GRM8: variants seen among roughly 807,000 people sequenced by gnomAD.
GRM8 encodes metabotropic glutamate receptor 8.
A neutral mutation model predicts 87.2 loss-of-function variants in GRM8; 47 were observed. The ratio of observed to expected loss-of-function variants is 0.54; its 90% confidence interval spans 0.43 to 0.69. The LOEUF (loss-of-function observed/expected upper bound fraction) is 0.69, where lower values mean the gene tolerates loss of function less well. Ranked by LOEUF, GRM8 falls within the 30% of genes least tolerant of loss-of-function variation. The probability of loss-of-function intolerance (pLI) is 0.00; values close to 1 mark genes in which losing one functional copy is unlikely to be tolerated. For missense variants in GRM8, 1,019 were observed against 1,139.2 expected, an observed-to-expected ratio of 0.89 and a Z score of 1.52; for synonymous variants, 396 against 404.5, an observed-to-expected ratio of 0.98 and a Z score of 0.25.
intron 6 of GRM8, among the ~76,000 whole-genome samples, chr7:126,780,302 C>A (rs1819920854): frequency 1.3e-5 from 2 of 152,024 alleles, no homozygotes; most frequent in African/African-American, 4.8e-5. Flanking sequence ...ATGGGGATAA[C>A]AATAATATCT....
At chr7:126,605,991 T>C (rs989189749) in intron 8 of GRM8, among the ~76,000 whole-genome samples, 1 of 152,214 alleles carries the variant, frequency 6.6e-6, no homozygotes, top group Admixed American at 6.5e-5. Flanking sequence ...CAACACCTTT[T>C]AACAGAGTAT....
intron 6 of GRM8, among the ~76,000 whole-genome samples, chr7:126,843,809 C>T (rs1442095167): frequency 6.6e-6 from 1 of 152,180 alleles, no homozygotes; most frequent in African/African-American, 2.4e-5. Flanking sequence ...GACAACTTCA[C>T]CTGCTACTTT....
At chr7:126,550,124 GT>G (rs887202091) in intron 8 of GRM8, among the ~76,000 whole-genome samples, 3 of 148,810 alleles carry the variant, frequency 2.0e-5, no homozygotes, top group East Asian at 2.0e-4. Context: ...TTGTTTTTTT[GT>G]TTTTTTTTCC....
chr7:126,450,119 G>A (rs1234250327), intron 9 of GRM8, among the ~76,000 whole-genome samples: 1 of 151,744 alleles, frequency 6.6e-6, no homozygotes, highest in African/African-American at 2.4e-5. Flanking sequence ...ACATATCAAG[G>A]TCTACTCAAC....
intron 7 of GRM8, among the ~76,000 whole-genome samples, chr7:126,756,770 T>C (rs1470085204): frequency 2.0e-5 from 3 of 152,038 alleles, no homozygotes; most frequent in Non-Finnish European, 4.4e-5. Context: ...AAAATATAGA[T>C]AGGTGGAGGA....
chr7:126,967,637 T>C (rs896026595), intron 3 of GRM8, among the ~76,000 whole-genome samples: 6 of 152,168 alleles, frequency 3.9e-5, no homozygotes, highest in African/African-American at 1.4e-4. Context: ...GTCTCTTCCA[T>C]TTGCCCCCAA....
chr7:126,806,927 C>G (rs1792825889), intron 6 of GRM8, among the ~76,000 whole-genome samples: 1 of 152,224 alleles, frequency 6.6e-6, no homozygotes, highest in South Asian at 2.1e-4. Flanking sequence ...TGGCCTCGGC[C>G]AGCCCCAGAG....
intron 2 of GRM8, among the ~76,000 whole-genome samples, chr7:127,169,222 G>GT (rs1750922935): frequency 6.6e-6 from 1 of 152,076 alleles, no homozygotes; most frequent in Admixed American, 6.6e-5. Flanking sequence ...GTGCTACCCA[G>GT]TGAATATATG....
chr7:126,525,480 C>A (rs1260001226), intron 9 of GRM8, among the ~76,000 whole-genome samples: 1 of 152,132 alleles, frequency 6.6e-6, no homozygotes, highest in African/African-American at 2.4e-5. Context: ...AAGTGAGGAG[C>A]CCAGCTGGCC....
At chr7:126,556,622 G>A (rs1295815872) in intron 8 of GRM8, among the ~76,000 whole-genome samples, 6 of 152,144 alleles carry the variant, frequency 3.9e-5, no homozygotes, top group Non-Finnish European at 7.3e-5. Context: ...ACTTCAGCCT[G>A]GGTGACAGAG....
chr7:127,146,474 A>G (rs949874288), intron 2 of GRM8, among the ~76,000 whole-genome samples: 1 of 152,132 alleles, frequency 6.6e-6, no homozygotes, highest in Non-Finnish European at 1.5e-5. Context: ...TGGCTCCAGG[A>G]GATAGAGGAA....
intron 3 of GRM8, among the ~76,000 whole-genome samples, chr7:127,099,223 C>T (rs1824981976): frequency 6.6e-6 from 1 of 152,058 alleles, no homozygotes; most frequent in Non-Finnish European, 1.5e-5. Flanking sequence ...GGAATTAAAA[C>T]AAGACAGAAA....
intron 3 of GRM8, among the ~76,000 whole-genome samples, chr7:126,920,827 C>A (rs966961100): frequency 1.3e-5 from 2 of 151,770 alleles, no homozygotes; most frequent in Non-Finnish European, 2.9e-5. Context: ...TATCTCCCCC[C>A]ACCCACCCCT....
intron 2 of GRM8, among the ~76,000 whole-genome samples, chr7:127,135,233 A>C (rs952485209): frequency 6.6e-6 from 1 of 152,150 alleles, no homozygotes; most frequent in African/African-American, 2.4e-5. Flanking sequence ...ATTCAAAAGA[A>C]ACTATTTTGT....
At chr7:126,675,210 C>G (rs1055280436) in intron 7 of GRM8, among the ~76,000 whole-genome samples, 2 of 151,912 alleles carry the variant, frequency 1.3e-5, no homozygotes, top group African/African-American at 4.8e-5. Context: ...CTGAACAGAC[C>G]AATAACACAC....
intron 7 of GRM8, among the ~76,000 whole-genome samples, chr7:126,650,663 A>G (rs959369049): frequency 2.0e-5 from 3 of 152,000 alleles, no homozygotes; most frequent in Non-Finnish European, 4.4e-5. Context: ...AGTTATGTGA[A>G]TAGACCTCTC....
chr7:126,858,499 T>C (rs74522953), intron 6 of GRM8, among the ~76,000 whole-genome samples: 2,085 of 152,244 alleles, frequency 0.014, 52 homozygotes, highest in African/African-American at 0.048. Context: ...AGAAGTCCAT[T>C]GTTTTGAACT....
At chr7:127,150,925 G>T (rs889028298) in intron 2 of GRM8, among the ~76,000 whole-genome samples, 1 of 152,126 alleles carries the variant, frequency 6.6e-6, no homozygotes, top group African/African-American at 2.4e-5. Flanking sequence ...CTATCATGGT[G>T]AGTCTATGAA....
intron 7 of GRM8, among the ~76,000 whole-genome samples, chr7:126,766,488 A>G (rs1475998629): frequency 1.3e-5 from 2 of 152,170 alleles, no homozygotes; most frequent in African/African-American, 4.8e-5. Flanking sequence ...ATTACTAAGT[A>G]ATTCCATCTA....
Sources: allele counts gnomAD v4.1 joint callset (sites outside exome capture counted in the v4.1 genomes callset), GRCh38; gene constraint gnomAD v4.1.1; transcripts MANE v1.5; gene names NCBI Gene and HGNC (gene_info 2026-07-23, HGNC 2026-07-21).